The following NFATC2 variants were observed in gnomAD, a reference collection of about 807,000 sequenced individuals.
The protein encoded by NFATC2 is nuclear factor of activated T cells 2, also known as nuclear factor of activated T-cells, cytoplasmic 2.
Under a neutral mutation model 87.3 loss-of-function variants are expected in NFATC2, and 22 were observed. The observed-to-expected ratio is 0.25, with a 90% CI of 0.18 to 0.36. The LOEUF (loss-of-function observed/expected upper bound fraction) is 0.36, where lower values mean the gene tolerates loss of function less well. Ranked by LOEUF, NFATC2 falls within the 10% of genes least tolerant of loss-of-function variation. The pLI is 1.00. For synonymous variants in NFATC2, 565 were observed against 542.2 expected (o/e 1.04, Z -0.58); for missense variants, 1,149 against 1,259.1 (o/e 0.91, Z 1.32).
At chr20:51,393,562 G>C (rs898134921) in intron 10 of NFATC2, among the ~76,000 whole-genome samples, 2 of 152,200 alleles carry the variant, frequency 1.3e-5, no homozygotes, top group Non-Finnish European at 2.9e-5. Flanking sequence ...CTGGGTAACA[G>C]CTGACTCCCA....
At chr20:51,548,642 T>A (rs1451046938) in intron 1 of NFATC2, among the ~76,000 whole-genome samples, 1 of 152,210 alleles carries the variant, frequency 6.6e-6, no homozygotes, top group East Asian at 1.9e-4. Flanking sequence ...CAAATTTAAG[T>A]GGACATCCTG....
intron 3 of NFATC2, among the ~76,000 whole-genome samples, chr20:51,489,169 A>C (rs946626367): frequency 1.3e-5 from 2 of 152,202 alleles, no homozygotes; most frequent in Admixed American, 1.3e-4. Flanking sequence ...TAGCCTGGGC[A>C]ACAGAGTGAG....
chr20:51,558,627 C>T (rs1601024617), intron 1 of NFATC2, among the ~76,000 whole-genome samples: 1 of 152,252 alleles, frequency 6.6e-6, no homozygotes, highest in African/African-American at 2.4e-5. Flanking sequence ...TCCCCTGCTT[C>T]CTACCACCCT....
chr20:51,493,467 C>T (rs1227469887), intron 3 of NFATC2, among the ~76,000 whole-genome samples: 1 of 152,186 alleles, frequency 6.6e-6, no homozygotes, highest in Non-Finnish European at 1.5e-5. Context: ...TTTTGATCTT[C>T]TAGGCACCTC....
At chr20:51,405,290 C>A (rs1279416689) in intron 9 of NFATC2, among the ~76,000 whole-genome samples, 1 of 152,192 alleles carries the variant, frequency 6.6e-6, no homozygotes, top group Non-Finnish European at 1.5e-5. Context: ...CCCAGATCCA[C>A]ATGCAACGCG....
At chr20:51,544,553 G>A (rs1211304466), upstream of NFATC2, among the ~76,000 whole-genome samples, 1 of 152,182 alleles carries the variant, frequency 6.6e-6, no homozygotes, top group South Asian at 2.1e-4. Context: ...AGATGTTGGG[G>A]ATGCAACCAT....
chr20:51,470,024 G>A (rs1326236309), intron 5 of NFATC2, among the ~76,000 whole-genome samples: 1 of 152,246 alleles, frequency 6.6e-6, no homozygotes, highest in Non-Finnish European at 1.5e-5. Flanking sequence ...ACACCGAGGA[G>A]GCTGGGCTCA....
At chr20:51,406,568 G>A (rs1432825051) in intron 9 of NFATC2, among the ~76,000 whole-genome samples, 2 of 152,228 alleles carry the variant, frequency 1.3e-5, no homozygotes, top group African/African-American at 4.8e-5. Flanking sequence ...GCAGAGGAAT[G>A]ACTGGAGGCG....
At chr20:51,543,579 G>A (rs931081657), upstream of NFATC2, among the ~76,000 whole-genome samples, 1 of 152,198 alleles carries the variant, frequency 6.6e-6, no homozygotes, top group Admixed American at 6.5e-5. Context: ...GAGGGAGAAC[G>A]AGGAGTACAG....
At chr20:51,535,682 A>G (rs2076708369) in intron 1 of NFATC2, among the ~76,000 whole-genome samples, 1 of 152,204 alleles carries the variant, frequency 6.6e-6, no homozygotes, top group Non-Finnish European at 1.5e-5. Context: ...TTAGGATTAT[A>G]CAGGTAAACA....
intron 5 of NFATC2, among the ~76,000 whole-genome samples, chr20:51,472,070 T>C (rs1988257996): frequency 6.6e-6 from 1 of 152,144 alleles, no homozygotes. Context: ...CTGGCCAACA[T>C]GGCGAAACCC....
intron 10 of NFATC2, among the ~76,000 whole-genome samples, chr20:51,391,873 T>A (rs1394993284): frequency 6.6e-6 from 1 of 152,176 alleles, no homozygotes; most frequent in Non-Finnish European, 1.5e-5. Flanking sequence ...ATTTGACAAT[T>A]TTTAATATAA....
At position 51,401,342 on chromosome 20, in the gene NFATC2, AT is replaced by A. The variant is rs201713138; in HGVS notation, c.2723-2613del. 6.3e-3 allele frequency among the ~76,000 whole-genome samples: 946 copies of A among 150,874 alleles called. 12 individuals are homozygous for A. Among genetic ancestry groups the A allele is most frequent in the East Asian group, 0.042 (214 of 5,142 alleles). ...AACAGAGCAAGACTGTCTCAAAAAAATAAAAATAAATGAGATGCTATAGCTG... is the reference window on the plus strand; with the variant it reads ...AACAGAGCAAGACTGTCTCAAAAAAAAAAAATAAATGAGATGCTATAGCTG... On this transcript the variant is annotated intron_variant, in intron 9 of 10. Transcript: ENST00000371564.
At chr20:51,507,934 T>C (rs1600901876) in intron 3 of NFATC2, among the ~76,000 whole-genome samples, 1 of 152,196 alleles carries the variant, frequency 6.6e-6, no homozygotes. Context: ...AGAAAGCACA[T>C]GGTGAAGTGT....
chr20:51,520,131 T>C (rs2076420532), intron 2 of NFATC2, among the ~76,000 whole-genome samples: 1 of 152,206 alleles, frequency 6.6e-6, no homozygotes, highest in Non-Finnish European at 1.5e-5. Flanking sequence ...TAAAGGACTC[T>C]GACACTCAAA....
chr20:51,403,665 AG>A lies in NFATC2; in HGVS notation c.2723-4936del, dbSNP rs555209308. Among the ~76,000 whole-genome samples the A allele has an allele frequency of 8.1e-3, 1,228 of 152,082 alleles. 21 individuals carry two copies. The highest frequency in any genetic ancestry group is 0.028 in the African/African-American group (1,169 of 41,438). ...TGATGGAATTAGTGGCCTAAGAAGA[AG>A]GGCCACCAGAGGTCAGTCTCATTGT... On this transcript the variant is annotated intron_variant, in intron 9 of 10. Transcript: ENST00000371564.
At chr20:51,398,013 C>T (rs1285115243) in intron 10 of NFATC2, among the ~76,000 whole-genome samples, 2 of 152,150 alleles carry the variant, frequency 1.3e-5, no homozygotes, top group Admixed American at 6.5e-5. Flanking sequence ...CTGTGGAGGC[C>T]CATCGAGGTG....
In NFATC2 at chr20:51,432,726, T is replaced by C; in HGVS notation, c.2063A>G (p.Glu688Gly). 6.3e-7 allele frequency: 1 copy of C among 1,585,572 alleles called. No individual in the cohort carries two copies. The highest frequency in any genetic ancestry group is 8.5e-7 in the Non-Finnish European group (1 of 1,173,492). Reference protein sequence around the residue: ...VPAIKTEPTDEYDPTLICSPT... With the variant: ...VPAIKTEPTDGYDPTLICSPT... ...GCTGCAGATCAGAGTGGGGTCATAT[T>C]CATCCGTGGGCTCCGTCTTGATGGC... The change falls in exon 9 of 11, where the codon GAA (glutamate) becomes GGA (glycine). Residue 688 changes from glutamate to glycine, a missense_variant. Physicochemically the swap from Glu to Gly is moderately conservative, Grantham distance 98. Coordinates refer to ENST00000371564, the MANE Select transcript of NFATC2 (RefSeq NM_012340.5). The surrounding 1 kb of genome is among the most constrained non-coding windows in gnomAD (Gnocchi z 4.6).
chr20:51,438,460 GATC>G (rs1247047570), intron 6 of NFATC2, among the ~76,000 whole-genome samples: 5 of 88,054 alleles, frequency 5.7e-5, no homozygotes, highest in Admixed American at 1.1e-4. Flanking sequence ...AAAAAAAAAA[GATC>G]ATTTTCAGAA....
Sources: gnomAD v4.1 joint callset for allele counts (sites outside exome capture counted in the v4.1 genomes callset) on GRCh38, gnomAD v4.1.1 for gene constraint, Gnocchi (gnomAD v3.1) non-coding constraint, MANE v1.5 for transcripts, NCBI Gene and HGNC (gene_info 2026-07-23, HGNC 2026-07-21) for gene names.